Variants in SLAMF9 observed in about 807,000 individuals in gnomAD.
SLAMF9 encodes CD2 family member 10.
In SLAMF9, 25 loss-of-function variants were observed where a neutral mutation model predicts 30.4. The observed-to-expected ratio is 0.82, with a 90% CI of 0.60 to 1.15. The LOEUF is 1.15. Ranked by LOEUF, SLAMF9 falls within the 50% of genes most tolerant of loss-of-function variation. The pLI is 0.00. For synonymous variants in SLAMF9, 129 were observed against 127.2 expected (o/e 1.01, Z -0.09); for missense variants, 344 against 346.1 (o/e 0.99, Z 0.05).
upstream of SLAMF9, among the ~76,000 whole-genome samples, chr1:159,955,013 G>A (rs1283731525): frequency 4.6e-5 from 7 of 151,674 alleles, no homozygotes; most frequent in Non-Finnish European, 5.9e-5. Context: ...AGGAGGTGGA[G>A]GTTGCAGAGA....
At chr1:159,965,545 G>T in the SLAMF9 span, 1 of 152,348 alleles carries the variant, frequency 6.6e-6, no homozygotes, top group South Asian at 2.1e-4. Context: ...CTGGCTGACA[G>T]AGTCCCCAGA....
intron 1 of SLAMF9, 125 bp downstream of exon 1, chr1:159,953,967 T>C (rs1346455431): frequency 1.7e-6 from 2 of 1,207,136 alleles, no homozygotes; most frequent in Admixed American, 3.9e-5. Context: ...ACCCTACTCC[T>C]TGTAACTCCA....
At chr1:159,963,169 G>A in the SLAMF9 span, among the ~76,000 whole-genome samples, 6 of 152,238 alleles carry the variant, frequency 3.9e-5, no homozygotes, top group South Asian at 4.1e-4. Context: ...GAAAGCATTC[G>A]GCATGGAGTT....
the SLAMF9 span, among the ~76,000 whole-genome samples, chr1:159,974,844 A>G: frequency 6.6e-6 from 1 of 152,208 alleles, no homozygotes. Context: ...CTCATGGAAG[A>G]GTTCCCTTCT....
chr1:159,951,736 C>T lies in SLAMF9; in HGVS notation c.795G>A (p.Met265Ile), dbSNP rs987941495. The T allele has an allele frequency of 1.9e-6, 3 of 1,614,200 alleles. No individual in the cohort carries two copies. Among genetic ancestry groups the T allele is most frequent in the Non-Finnish European group, 8.5e-7 (1 of 1,180,050 alleles). The change falls in exon 4 of 4, where the codon ATG becomes ATA. Residue 265 changes from methionine to isoleucine, a missense_variant. Coordinates refer to ENST00000368093, the MANE Select transcript of SLAMF9 (RefSeq NM_033438.4). ...TTCTCATGAGTTTCTTCATCCTTGGCATTTTGTGTCTTTTCTGGACTCGGA... is the reference window on the plus strand; with the variant it reads ...TTCTCATGAGTTTCTTCATCCTTGGTATTTTGTGTCTTTTCTGGACTCGGA... ...WVIRVQKRHK[M>I]PRMKKLMRNR... is the part of the protein sequence containing the mutation.
chr1:159,975,928 T>A, the SLAMF9 span, among the ~76,000 whole-genome samples: 1 of 152,228 alleles, frequency 6.6e-6, no homozygotes, highest in African/African-American at 2.4e-5. Flanking sequence ...GTTCTTGGCA[T>A]GGCCAGGTGG....
chr1:159,964,246 G>A, the SLAMF9 span, among the ~76,000 whole-genome samples: 1 of 152,068 alleles, frequency 6.6e-6, no homozygotes, highest in Non-Finnish European at 1.5e-5. Context: ...GAGCAGAGAG[G>A]AAGTTCCCCA....
At chr1:159,976,923 AG>A in the SLAMF9 span, 3 of 764 alleles carry the variant, frequency 3.9e-3, no homozygotes, top group Non-Finnish European at 0.068. Context: ...AAAGAAAGAA[AG>A]AAAGAAAGAA....
chr1:159,973,272 G>T, the SLAMF9 span: 1 of 761,720 alleles, frequency 1.3e-6, no homozygotes, highest in East Asian at 2.5e-5. Context: ...TACAGGAGGT[G>T]GGAACTGCTC....
the SLAMF9 span, among the ~76,000 whole-genome samples, chr1:159,964,210 A>C: frequency 3.3e-5 from 5 of 152,160 alleles, no homozygotes; most frequent in Non-Finnish European, 5.9e-5. Context: ...GAATCACTAC[A>C]CTTCACCTGC....
At chr1:159,955,405 T>A (rs140903433), upstream of SLAMF9, among the ~76,000 whole-genome samples, 1 of 152,336 alleles carries the variant, frequency 6.6e-6, no homozygotes, top group Non-Finnish European at 1.5e-5. Flanking sequence ...AATCTTTAAG[T>A]TTCTTCTAAT....
the SLAMF9 span, chr1:159,983,908 G>A: frequency 6.6e-6 from 1 of 152,360 alleles, no homozygotes; most frequent in East Asian, 1.9e-4. Context: ...TGGCAGCAAG[G>A]GGCCAGGGCG....
chr1:159,952,559 C>A (rs1372158057), intron 2 of SLAMF9, 25 bp from the exon 3 acceptor site: 3 of 1,608,106 alleles, frequency 1.9e-6, no homozygotes, highest in African/African-American at 2.7e-5. Context: ...AACACAAAGA[C>A]CCTCTAAACA....
At chr1:159,983,252 A>G in the SLAMF9 span, 2 of 152,068 alleles carry the variant, frequency 1.3e-5, no homozygotes, top group East Asian at 3.9e-4. Context: ...TCATCACAGC[A>G]CTTCTATCAG....
chr1:159,964,429 C>T, the SLAMF9 span, among the ~76,000 whole-genome samples: 1 of 152,158 alleles, frequency 6.6e-6, no homozygotes, highest in Non-Finnish European at 1.5e-5. Flanking sequence ...AGGACTGCCG[C>T]AGGGAAGCAG....
At chr1:159,963,732 C>G in the SLAMF9 span, among the ~76,000 whole-genome samples, 1 of 152,112 alleles carries the variant, frequency 6.6e-6, no homozygotes, top group Non-Finnish European at 1.5e-5. Context: ...AGGTTTCATA[C>G]CACCTGCATC....
Position 159,953,327 on chromosome 1 carries a change from A to G in SLAMF9, c.373T>C (p.Tyr125His). The G allele has an allele frequency of 6.2e-7, 1 of 1,606,550 alleles. No individual in the cohort carries two copies. Among genetic ancestry groups the G allele is most frequent in the Non-Finnish European group, 8.5e-7 (1 of 1,173,574 alleles). ...AACTCACGGTAGACACATATATTGTACTGCTGCATGGTAGAGATCTGGGAT... is the reference window on the plus strand; with the variant it reads ...AACTCACGGTAGACACATATATTGTGCTGCTGCATGGTAGAGATCTGGGAT... ...RTSQISTMQQ[Y>H]NICVYRWLSE... Residue 125 changes from tyrosine to histidine, a missense_variant, in exon 2 of 4, where the codon TAC becomes CAC. By Grantham distance (83) the Tyr-to-His change is moderately conservative. Coordinates refer to ENST00000368093, the MANE Select transcript of SLAMF9 (RefSeq NM_033438.4).
the SLAMF9 span, among the ~76,000 whole-genome samples, chr1:159,979,973 C>T: frequency 6.6e-6 from 1 of 152,118 alleles, no homozygotes; most frequent in South Asian, 2.1e-4. Flanking sequence ...TTTTAGGAAA[C>T]TTTGGGTGGT....
the SLAMF9 span, among the ~76,000 whole-genome samples, chr1:159,979,627 T>C: frequency 6.6e-6 from 1 of 151,846 alleles, no homozygotes; most frequent in African/African-American, 2.4e-5. Context: ...CTCTTTACCA[T>C]GAATTACCTA....
Sources: gnomAD v4.1 joint callset for allele counts (sites outside exome capture counted in the v4.1 genomes callset) on GRCh38, gnomAD v4.1.1 for gene constraint, MANE v1.5 for transcripts, NCBI Gene and HGNC (gene_info 2026-07-23, HGNC 2026-07-21) for gene names.